Variants in DPP10 observed in about 807,000 individuals in gnomAD.
The protein encoded by DPP10 is inactive dipeptidyl peptidase 10.
DPP10 carries 33 observed loss-of-function variants against 120.9 expected under a neutral mutation model. The observed-to-expected ratio is 0.27, with a 90% CI of 0.21 to 0.37. The LOEUF (loss-of-function observed/expected upper bound fraction) is 0.37, where lower values mean the gene tolerates loss of function less well. Among genes scored for constraint, DPP10 ranks in the 10% least tolerant of loss-of-function variants. The pLI, the probability that DPP10 is intolerant of heterozygous loss-of-function variation, is 1.00. For missense variants in DPP10, 816 were observed against 942.8 expected, an observed-to-expected ratio of 0.87 and a Z score of 1.76; for synonymous variants, 337 against 326.1, an observed-to-expected ratio of 1.03 and a Z score of -0.36.
chr2:115,435,047 C>T (rs1240943486), intron 3 of DPP10, among the ~76,000 whole-genome samples: 1 of 46,814 alleles, frequency 2.1e-5, no homozygotes, highest in Non-Finnish European at 5.1e-5. Flanking sequence ...TATACACATG[C>T]ACACATATAT....
At chr2:114,543,732 A>G (rs1011781226) in intron 1 of DPP10, among the ~76,000 whole-genome samples, 1 of 150,878 alleles carries the variant, frequency 6.6e-6, no homozygotes, top group South Asian at 2.1e-4. Flanking sequence ...GCTTTTAAAC[A>G]TGGCTGGCCT....
At chr2:115,824,124 A>C (rs960945644) in intron 21 of DPP10, among the ~76,000 whole-genome samples, 2 of 152,130 alleles carry the variant, frequency 1.3e-5, no homozygotes, top group Non-Finnish European at 1.5e-5. Context: ...ACACTCTGAG[A>C]TACATCATAC....
intron 5 of DPP10, among the ~76,000 whole-genome samples, chr2:115,668,759 A>C (rs1400959178): frequency 6.6e-6 from 1 of 152,130 alleles, no homozygotes; most frequent in Non-Finnish European, 1.5e-5. Context: ...CCACACTCTT[A>C]TAATTCCCCC....
chr2:115,788,990 C>T (rs539269601), intron 17 of DPP10, among the ~76,000 whole-genome samples: 20 of 151,926 alleles, frequency 1.3e-4, no homozygotes, highest in Admixed American at 3.9e-4. Flanking sequence ...TGGTGGCGGG[C>T]GCCTGTAGTC....
At chr2:115,284,891 A>G (rs1486862210) in intron 1 of DPP10, among the ~76,000 whole-genome samples, 2 of 151,988 alleles carry the variant, frequency 1.3e-5, no homozygotes, top group Admixed American at 6.6e-5. Flanking sequence ...CAAAATTACA[A>G]TTATTTCTGT....
At chr2:114,821,368 T>C (rs1686074769) in intron 1 of DPP10, among the ~76,000 whole-genome samples, 1 of 152,204 alleles carries the variant, frequency 6.6e-6, no homozygotes, top group South Asian at 2.1e-4. Flanking sequence ...CAGTTTCTAA[T>C]GGCTGGCATT....
chr2:115,768,285 T>C lies in DPP10; in HGVS notation c.1114-12T>C, dbSNP rs1326812382. The stretch of plus-strand genomic sequence containing the variant: ...CCTTTCTGAGATTGTTCTGTGCTCT[T>C]CTGTATTTTAGAATGAGGAGCCCGT... On this transcript the variant is annotated splice_polypyrimidine_tract_variant and intron_variant, in intron 12 of 25. Transcript: ENST00000410059. The C allele has an allele frequency of 6.2e-7, 1 of 1,612,412 alleles. No homozygotes were observed. Among genetic ancestry groups the C allele is most frequent in the South Asian group, 1.1e-5 (1 of 90,994 alleles).
intron 2 of DPP10, among the ~76,000 whole-genome samples, chr2:115,329,244 T>A (rs866035116): frequency 2.0e-5 from 3 of 152,014 alleles, no homozygotes; most frequent in Admixed American, 6.6e-5. Context: ...ACTTACCCTA[T>A]GTTGAGTTTT....
chr2:115,318,817 T>C (rs2061922582), intron 2 of DPP10, among the ~76,000 whole-genome samples: 1 of 152,158 alleles, frequency 6.6e-6, no homozygotes, highest in Admixed American at 6.6e-5. Context: ...TATTGTAGAT[T>C]ATCTGAGATT....
Position 115,747,475 on chromosome 2 carries a change from T to C in DPP10, c.950+1292T>C, listed in dbSNP as rs905994511. Among the ~76,000 whole-genome samples, 20 of 152,272 alleles carry C rather than the reference T, an allele frequency of 1.3e-4. No homozygotes were observed. The East Asian group carries it at 3.7e-3, about 28-fold the overall frequency. On this transcript the variant is annotated intron_variant, in intron 10 of 25. Transcript: ENST00000410059. ...TTATCTTTTTCTCTGGTTTGTTTAA[T>C]GCTATGGAATAACAGAAAAGGGAAA... is the stretch of plus-strand genomic sequence containing the variant.
chr2:115,177,674 C>T lies in DPP10; in HGVS notation c.61-131565C>T, dbSNP rs138676123. Among the ~76,000 whole-genome samples the T allele has an allele frequency of 4.9e-4, 74 of 152,308 alleles. No individual in the cohort carries two copies. In the East Asian group the frequency reaches 0.014, roughly 29 times the overall value. On this transcript the variant is annotated intron_variant, in intron 1 of 25. Transcript: ENST00000410059. ...TTGTAGTTTCAAGCTAGTCTAGACA[C>T]ATTCTTTACCTCTCCTTTTATAAAA...
At chr2:115,657,062 A>T (rs1389833856) in intron 5 of DPP10, among the ~76,000 whole-genome samples, 1 of 151,722 alleles carries the variant, frequency 6.6e-6, no homozygotes, top group Non-Finnish European at 1.5e-5. Flanking sequence ...TTTATTGTAG[A>T]TTATACATTT....
At chr2:114,610,514 T>C (rs1693201838) in intron 1 of DPP10, among the ~76,000 whole-genome samples, 1 of 152,134 alleles carries the variant, frequency 6.6e-6, no homozygotes, top group African/African-American at 2.4e-5. Flanking sequence ...AAGACAGTCC[T>C]GCTCTTCTTT....
chr2:115,377,048 G>A (rs1212595092), intron 3 of DPP10, among the ~76,000 whole-genome samples: 1 of 151,152 alleles, frequency 6.6e-6, no homozygotes, highest in Non-Finnish European at 1.5e-5. Flanking sequence ...ATGATTTATA[G>A]TCCTTTGGGT....
chr2:115,673,864 C>T (rs910639675), intron 5 of DPP10, among the ~76,000 whole-genome samples: 1 of 152,076 alleles, frequency 6.6e-6, no homozygotes, highest in Non-Finnish European at 1.5e-5. Context: ...TAAATTGTAT[C>T]TAATGATTTT....
At chr2:115,416,935 C>G (rs775710731) in intron 3 of DPP10, among the ~76,000 whole-genome samples, 5 of 152,096 alleles carry the variant, frequency 3.3e-5, no homozygotes, top group African/African-American at 1.2e-4. Flanking sequence ...GTGCCAGAAG[C>G]GAGCATACCC....
In DPP10 at chr2:115,376,958, A is replaced by G. The variant is rs1239751749; in HGVS notation, c.271+33046A>G. 5.0e-3 allele frequency among the ~76,000 whole-genome samples: 741 copies of G among 147,332 alleles called. 7 individuals are homozygous for G. The highest frequency in any genetic ancestry group is 0.017 in the African/African-American group (697 of 39,992). ...TCTTAATCCAGTCTATCATTGTTGG[A>G]CATTTGGGTTGGTTCCAAGTCTTTG... On this transcript the variant is annotated intron_variant, in intron 3 of 25. Transcript: ENST00000410059.
chr2:115,244,289 T>C (rs1389581690), intron 1 of DPP10, among the ~76,000 whole-genome samples: 1 of 147,286 alleles, frequency 6.8e-6, no homozygotes, highest in African/African-American at 2.5e-5. Flanking sequence ...GAGACATATA[T>C]ATGAATGATA....
intron 1 of DPP10, among the ~76,000 whole-genome samples, chr2:114,855,818 T>C (rs1372627811): frequency 6.6e-6 from 1 of 152,198 alleles, no homozygotes; most frequent in Non-Finnish European, 1.5e-5. Flanking sequence ...TGGCTTATCT[T>C]CAAACATTGT....
Sources: allele counts gnomAD v4.1 joint callset (sites outside exome capture counted in the v4.1 genomes callset), GRCh38; gene constraint gnomAD v4.1.1; transcripts MANE v1.5; gene names NCBI Gene and HGNC (gene_info 2026-07-23, HGNC 2026-07-21).